SCN9A: variants seen among roughly 807,000 people sequenced by gnomAD.
SCN9A encodes sodium channel protein type 9 subunit alpha.
Under a neutral mutation model 187.0 loss-of-function variants are expected in SCN9A, and 131 were observed. That is an observed-to-expected ratio of 0.70 (90% CI 0.61 to 0.81). The LOEUF (loss-of-function observed/expected upper bound fraction) is 0.81, where lower values mean the gene tolerates loss of function less well. Among genes scored for constraint, SCN9A ranks in the 30% least tolerant of loss-of-function variants. The pLI is 0.00. For synonymous variants in SCN9A, 809 were observed against 808.6 expected, an observed-to-expected ratio of 1.00 and a Z score of -0.01; for missense variants, 2,252 against 2,396.6, an observed-to-expected ratio of 0.94 and a Z score of 1.26.
intron 1 of SCN9A, among the ~76,000 whole-genome samples, chr2:166,373,795 G>A (rs1226664990): frequency 6.6e-6 from 1 of 151,982 alleles, no homozygotes; most frequent in African/African-American, 2.4e-5. Flanking sequence ...ACAAGATCAT[G>A]ACTTGTCTTA....
rs16822865 is a variant in SCN9A at position 166,243,604 on chromosome 2, A to G, written c.3473-948T>C. Among the ~76,000 whole-genome samples, 1,361 of 151,946 alleles carry G rather than the reference A, an allele frequency of 9.0e-3. 18 individuals are homozygous for G. The highest frequency in any genetic ancestry group is 0.031 in the African/African-American group (1,286 of 41,468). On this transcript the variant is annotated intron_variant, in intron 18 of 26. Coordinates refer to ENST00000642356, the MANE Select transcript of SCN9A (RefSeq NM_001365536.1). ...TTGGGTGGAATTCCAGGCAGCAAAA[A>G]TTGTTATGCATAGAAATTTAAACCA...
At chr2:166,285,133 C>T (rs927396836) in intron 11 of SCN9A, among the ~76,000 whole-genome samples, 1 of 152,114 alleles carries the variant, frequency 6.6e-6, no homozygotes, top group Non-Finnish European at 1.5e-5. Context: ...GAACTTATAA[C>T]TTAAAAAAAG....
At chr2:166,323,804 A>G (rs1157120480) in intron 1 of SCN9A, among the ~76,000 whole-genome samples, 4 of 151,958 alleles carry the variant, frequency 2.6e-5, no homozygotes, top group African/African-American at 7.2e-5. Context: ...TGAAAGCTAT[A>G]TTTATTTAAG....
chr2:166,287,303 G>A (rs1303123573), intron 10 of SCN9A, among the ~76,000 whole-genome samples: 1 of 151,824 alleles, frequency 6.6e-6, no homozygotes, highest in Non-Finnish European at 1.5e-5. Context: ...CTTTTTATAT[G>A]TATGTATAAT....
At chr2:166,362,719 A>T (rs1700315726) in intron 1 of SCN9A, among the ~76,000 whole-genome samples, 2 of 151,820 alleles carry the variant, frequency 1.3e-5, no homozygotes, top group African/African-American at 4.8e-5. Flanking sequence ...AAGGAATTAA[A>T]ATTATTAAAT....
intron 1 of SCN9A, among the ~76,000 whole-genome samples, chr2:166,333,978 C>T (rs1699570727): frequency 6.6e-6 from 1 of 152,042 alleles, no homozygotes; most frequent in Non-Finnish European, 1.5e-5. Flanking sequence ...CAATGGAGGG[C>T]ATCAATTAAC....
chr2:166,204,119 T>A lies in SCN9A; in HGVS notation c.4610A>T (p.Glu1537Val). ...LNMVTMMVEK[E>V]GQSQHMTEVL... is the part of the protein sequence containing the mutation. ...TTCAGTCATATGTTGACTTTGACCC[T>A]CCTTTTCTACCATCATGGTTACCAT... Residue 1537 changes from glutamate (E) to valine (V), a missense_variant, in exon 26 of 27, where the codon GAG becomes GTG. Around this residue, in one of 7 missense-constraint regions of SCN9A, gnomAD observed 368 missense variants for 408.6 expected, o/e 0.90. Transcript: ENST00000642356. 1 of 1,612,734 alleles carries A rather than the reference T, an allele frequency of 6.2e-7. No homozygotes were observed. The highest frequency in any genetic ancestry group is 8.5e-7 in the Non-Finnish European group (1 of 1,179,086).
At chr2:166,263,686 C>A (rs1488776220) in intron 17 of SCN9A, among the ~76,000 whole-genome samples, 1 of 151,948 alleles carries the variant, frequency 6.6e-6, no homozygotes, top group Non-Finnish European at 1.5e-5. Context: ...TGAGTGTGAT[C>A]TTATTTGGAA....
intron 21 of SCN9A, among the ~76,000 whole-genome samples, chr2:166,230,405 A>C (rs1049922680): frequency 2.6e-5 from 4 of 152,192 alleles, no homozygotes; most frequent in Non-Finnish European, 5.9e-5. Context: ...AATGAAGTTC[A>C]AAGTAGCCAG....
chr2:166,360,521 T>C (rs151210240), intron 1 of SCN9A, among the ~76,000 whole-genome samples: 29 of 152,274 alleles, frequency 1.9e-4, no homozygotes, highest in East Asian at 1.7e-3. Context: ...AGAGAAAATG[T>C]ATTTCCAATA....
Position 166,276,986 on chromosome 2 carries a change from C to G in SCN9A, c.2871G>C (p.Leu957=). The G allele has an allele frequency of 6.2e-7, 1 of 1,610,330 alleles. No homozygotes were observed. Among genetic ancestry groups the G allele is most frequent in the South Asian group, 1.1e-5 (1 of 90,518 alleles). ...VYMMVMVIGN[L]VVLNLFLALL... is the part of the protein sequence containing the mutation. ...GCATGAACATCTGGTTACATACCAC[C>G]AGGTTTCCAATGACCATGACCATCA... Residue 957 remains leucine (L), a synonymous_variant, in exon 16 of 27, where the codon CTG becomes CTC. Coordinates refer to ENST00000642356, the MANE Select transcript of SCN9A (RefSeq NM_001365536.1).
At chr2:166,357,194 A>G (rs1700170348) in intron 1 of SCN9A, among the ~76,000 whole-genome samples, 1 of 152,170 alleles carries the variant, frequency 6.6e-6, no homozygotes, top group South Asian at 2.1e-4. Context: ...GCTCTCACTT[A>G]TAAGTGAGGA....
At chr2:166,228,642 C>T (rs746717731) in intron 22 of SCN9A, 49 bp downstream of exon 22, 42 of 1,392,320 alleles carry the variant, frequency 3.0e-5, no homozygotes, top group East Asian at 2.3e-4. Flanking sequence ...TTATATCCTT[C>T]GTCCAATATC....
At chr2:166,282,350 T>G (rs34695782) in intron 12 of SCN9A, among the ~76,000 whole-genome samples, 13,760 of 152,200 alleles carry the variant, frequency 0.09, 736 homozygotes, top group Middle Eastern at 0.14. Context: ...CATATGATGA[T>G]AAATGACTCA....
chr2:166,345,753 T>A (rs1438878139), intron 1 of SCN9A, among the ~76,000 whole-genome samples: 1 of 152,132 alleles, frequency 6.6e-6, no homozygotes, highest in African/African-American at 2.4e-5. Context: ...GTATCGCTGG[T>A]TATATTTTCC....
chr2:166,308,713 G>C (rs1398221209), intron 2 of SCN9A, among the ~76,000 whole-genome samples: 1 of 152,014 alleles, frequency 6.6e-6, no homozygotes, highest in East Asian at 1.9e-4. Flanking sequence ...ACAACGTCAG[G>C]AGATCGAGAC....
Position 166,254,572 on chromosome 2 carries a change from A to C in SCN9A, c.3352-2687T>G, listed in dbSNP as rs1011358059. ...GTACTTTGAATATATGTTTTTTACT[A>C]TACAAGGAAGATCATATCAATTATT... On this transcript the variant is annotated intron_variant, in intron 17 of 26. Transcript: ENST00000642356. Among the ~76,000 whole-genome samples the C allele has an allele frequency of 2.0e-5, 3 of 151,554 alleles. No individual in the cohort carries two copies. The East Asian group carries it at 5.8e-4, about 29-fold the overall frequency.
intron 5 of SCN9A, 91 bp from the exon 6 acceptor site, chr2:166,304,420 CT>C: frequency 9.1e-7 from 1 of 1,094,576 alleles, no homozygotes; most frequent in Non-Finnish European, 1.3e-6. Flanking sequence ...ACGTTTGGGG[CT>C]TCTATTTTAA....
chr2:166,339,359 G>A (rs1699710089), intron 1 of SCN9A, among the ~76,000 whole-genome samples: 2 of 152,126 alleles, frequency 1.3e-5, no homozygotes, highest in Admixed American at 6.6e-5. Flanking sequence ...GATTTCACAT[G>A]TAGTGGCCTT....
Sources: gnomAD v4.1 joint callset for allele counts (sites outside exome capture counted in the v4.1 genomes callset) on GRCh38, gnomAD v4.1.1 for gene constraint, gnomAD v4.1.1 regional missense constraint, MANE v1.5 for transcripts, NCBI Gene and HGNC (gene_info 2026-07-23, HGNC 2026-07-21) for gene names.